Variants in GOLM2 observed in about 807,000 individuals in gnomAD.
GOLM2 encodes the protein golgi membrane protein 2.
A neutral mutation model predicts 55.9 loss-of-function variants in GOLM2; 26 were observed. That is an observed-to-expected ratio of 0.47 (90% CI 0.34 to 0.65). The LOEUF is 0.65. Among genes scored for constraint, GOLM2 ranks in the 30% least tolerant of loss-of-function variants. The pLI, the probability that GOLM2 is intolerant of heterozygous loss-of-function variation, is 0.01. For synonymous variants in GOLM2, 165 were observed against 194.6 expected (o/e 0.85, Z 1.27); for missense variants, 486 against 531.8 (o/e 0.91, Z 0.85).
At position 44,380,849 on chromosome 15, in the gene GOLM2, G is replaced by A. The variant is rs757551326; in HGVS notation, c.945G>A (p.Gln315=). ...ATGGAAACCCCGGTACTTCAAAACA[G>A]AATCCTTCCAGTCCTCTTCAGCGTT... ...NHNGNPGTSK[Q]NPSSPLQRLI... Residue 315 remains glutamine, a synonymous_variant, in exon 8 of 10, where the codon CAG becomes CAA. Transcript: ENST00000299957. The A allele has an allele frequency of 6.9e-6, 11 of 1,584,340 alleles. No individual in the cohort carries two copies. In the South Asian group the frequency reaches 1.1e-4, roughly 15 times the overall value.
At chr15:44,308,140 A>G (rs956335518) in intron 1 of GOLM2, 10 of 152,214 alleles carry the variant, frequency 6.6e-5, no homozygotes, top group African/African-American at 2.4e-4. Context: ...TTGTGTAACC[A>G]TGATTACTAC....
At chr15:44,377,959 C>T (rs1453612582) in intron 6 of GOLM2, among the ~76,000 whole-genome samples, 1 of 150,616 alleles carries the variant, frequency 6.6e-6, no homozygotes, top group Non-Finnish European at 1.5e-5. Flanking sequence ...AGTTTAATTT[C>T]TTTGTGCTTT....
chr15:44,322,899 T>C (rs1280419814), intron 1 of GOLM2, 66 bp from the exon 2 acceptor site: 2 of 1,160,014 alleles, frequency 1.7e-6, no homozygotes, highest in Non-Finnish European at 2.5e-6. Flanking sequence ...TCAAAGTGAA[T>C]ATGAACCAAA....
At chr15:44,364,570 C>T (rs1330425546) in intron 6 of GOLM2, among the ~76,000 whole-genome samples, 1 of 151,814 alleles carries the variant, frequency 6.6e-6, no homozygotes, top group Non-Finnish European at 1.5e-5. Context: ...TGGACCATGC[C>T]TGTGTTCCCA....
intron 9 of GOLM2, among the ~76,000 whole-genome samples, chr15:44,413,000 C>T (rs1217837220): frequency 6.8e-6 from 1 of 147,108 alleles, no homozygotes; most frequent in Non-Finnish European, 1.5e-5. Flanking sequence ...GAGAGTCGGT[C>T]TCAAAAAAAA....
chr15:44,312,437 T>TA (rs1451872103), intron 1 of GOLM2, among the ~76,000 whole-genome samples: 1 of 152,108 alleles, frequency 6.6e-6, no homozygotes, highest in Non-Finnish European at 1.5e-5. Flanking sequence ...GATAAAACTT[T>TA]AACTACCAAA....
At chr15:44,360,759 A>G (rs1189135057) in intron 6 of GOLM2, among the ~76,000 whole-genome samples, 2 of 152,084 alleles carry the variant, frequency 1.3e-5, no homozygotes, top group African/African-American at 4.8e-5. Context: ...CATTTTTTTC[A>G]GCACCACACC....
intron 6 of GOLM2, among the ~76,000 whole-genome samples, chr15:44,362,016 A>G (rs1246556617): frequency 6.6e-6 from 1 of 152,232 alleles, no homozygotes; most frequent in East Asian, 1.9e-4. Flanking sequence ...AAAGCTCTCA[A>G]TAAATTAGGT....
At chr15:44,390,635 G>C (rs532977586) in intron 8 of GOLM2, among the ~76,000 whole-genome samples, 1 of 149,964 alleles carries the variant, frequency 6.7e-6, no homozygotes, top group Non-Finnish European at 1.5e-5. Flanking sequence ...GCACGATCTC[G>C]GCTCACCCAC....
intron 1 of GOLM2, among the ~76,000 whole-genome samples, chr15:44,300,583 C>T (rs1450128019): frequency 7.9e-5 from 12 of 152,176 alleles, no homozygotes; most frequent in Non-Finnish European, 1.6e-4. Flanking sequence ...CTCCCTTTTA[C>T]TTACTCCATA....
intron 6 of GOLM2, among the ~76,000 whole-genome samples, chr15:44,353,377 A>T (rs1004188343): frequency 2.2e-4 from 34 of 152,216 alleles, no homozygotes; most frequent in Non-Finnish European, 4.3e-4. Flanking sequence ...TAGCCATTCC[A>T]CTGCTAGGTA....
chr15:44,299,012 A>G (rs954513014), intron 1 of GOLM2, among the ~76,000 whole-genome samples: 4 of 152,186 alleles, frequency 2.6e-5, no homozygotes, highest in Admixed American at 6.5e-5. Flanking sequence ...CGCATGGCAG[A>G]TAAAGGCAGA....
chr15:44,370,714 G>T (rs1400221381), intron 6 of GOLM2, among the ~76,000 whole-genome samples: 1 of 152,054 alleles, frequency 6.6e-6, no homozygotes, highest in African/African-American at 2.4e-5. Flanking sequence ...GTGTATGTGT[G>T]CAGTGGTGTG....
chr15:44,326,548 C>T (rs2078982089), intron 2 of GOLM2, among the ~76,000 whole-genome samples: 1 of 151,404 alleles, frequency 6.6e-6, no homozygotes, highest in Non-Finnish European at 1.5e-5. Context: ...ACTGATAGCA[C>T]TTTGATATAT....
intron 6 of GOLM2, among the ~76,000 whole-genome samples, chr15:44,340,476 T>C (rs2079084183): frequency 6.6e-6 from 1 of 152,206 alleles, no homozygotes; most frequent in African/African-American, 2.4e-5. Flanking sequence ...CAGGCTACTC[T>C]TTAACTCCAG....
chr15:44,301,344 C>A (rs1460657251), intron 1 of GOLM2, among the ~76,000 whole-genome samples: 1 of 152,132 alleles, frequency 6.6e-6, no homozygotes, highest in African/African-American at 2.4e-5. Context: ...TTTAATAATA[C>A]CCATTTATCT....
At chr15:44,301,513 G>C (rs1036043176) in intron 1 of GOLM2, among the ~76,000 whole-genome samples, 1 of 152,142 alleles carries the variant, frequency 6.6e-6, no homozygotes, top group African/African-American at 2.4e-5. Context: ...GAACAAGACA[G>C]ATATGGTATA....
chr15:44,335,870 A>T (rs1301068531), intron 4 of GOLM2, among the ~76,000 whole-genome samples: 3 of 146,182 alleles, frequency 2.1e-5, no homozygotes, highest in African/African-American at 7.7e-5. Context: ...GCTGGAGTAC[A>T]GTGGCCCGAT....
chr15:44,327,182 CT>C (rs2141135340), intron 2 of GOLM2, among the ~76,000 whole-genome samples: 1 of 151,344 alleles, frequency 6.6e-6, no homozygotes, highest in East Asian at 2.0e-4. Flanking sequence ...AACTCCTGAC[CT>C]CAGGCGATCC....
Sources: allele counts gnomAD v4.1 joint callset (sites outside exome capture counted in the v4.1 genomes callset), GRCh38; gene constraint gnomAD v4.1.1; transcripts MANE v1.5; gene names NCBI Gene and HGNC (gene_info 2026-07-23, HGNC 2026-07-21).